The following POU6F2 variants were observed in gnomAD, a reference collection of about 807,000 sequenced individuals.
POU6F2 encodes the protein POU domain, class 6, transcription factor 2.
In POU6F2, 31 loss-of-function variants were observed where a neutral mutation model predicts 71.3. The ratio of observed to expected loss-of-function variants is 0.43; its 90% CI spans 0.33 to 0.59. The LOEUF (loss-of-function observed/expected upper bound fraction) is 0.59, where lower values mean the gene tolerates loss of function less well. Among genes scored for constraint, POU6F2 ranks in the 20% least tolerant of loss-of-function variants. The probability of loss-of-function intolerance (pLI) is 0.04; values close to 1 mark genes in which losing one functional copy is unlikely to be tolerated. For missense variants in POU6F2, 783 were observed against 856.8 expected, an observed-to-expected ratio of 0.91 and a Z score of 1.07; for synonymous variants, 347 against 355.7, an observed-to-expected ratio of 0.98 and a Z score of 0.27.
rs116777336 is a variant in POU6F2, at chr7:39,257,994, A to G, written c.598+50374A>G. ...AATACTATTTACGTGTACATTTTTGAAACTACATTGTTTGGGCCACCACTG... is the reference window on the plus strand; with the variant it reads ...AATACTATTTACGTGTACATTTTTGGAACTACATTGTTTGGGCCACCACTG... On this transcript the variant is annotated intron_variant, in intron 4 of 9. Coordinates refer to ENST00000518318, the MANE Select transcript of POU6F2 (RefSeq NM_001370959.1). 7.2e-3 allele frequency among the ~76,000 whole-genome samples: 1,093 copies of G among 152,322 alleles called. 13 individuals carry two copies. Among genetic ancestry groups the G allele is most frequent in the African/African-American group, 0.025 (1,023 of 41,564 alleles).
intron 1 of POU6F2, among the ~76,000 whole-genome samples, chr7:39,034,172 TTG>T (rs1459566600): frequency 6.6e-6 from 1 of 152,164 alleles, no homozygotes; most frequent in Non-Finnish European, 1.5e-5. Context: ...GTTAGACCTA[TTG>T]TTTCACAGAA....
At chr7:39,125,877 T>C (rs1457725992) in intron 2 of POU6F2, among the ~76,000 whole-genome samples, 2 of 152,190 alleles carry the variant, frequency 1.3e-5, no homozygotes, top group Non-Finnish European at 1.5e-5. Context: ...TAGCAATTCA[T>C]TTGTTCTTGA....
At chr7:39,212,975 C>T (rs1046124017) in intron 4 of POU6F2, among the ~76,000 whole-genome samples, 3 of 152,246 alleles carry the variant, frequency 2.0e-5, no homozygotes, top group East Asian at 3.9e-4. Flanking sequence ...GTTAATGGAA[C>T]GGTAGAGCTG....
chr7:39,287,012 A>T (rs770940838), intron 4 of POU6F2, among the ~76,000 whole-genome samples: 1 of 151,622 alleles, frequency 6.6e-6, no homozygotes, highest in Non-Finnish European at 1.5e-5. Context: ...AACTTAAAAG[A>T]TGTCAAGCGA....
chr7:39,085,645 G>T, intron 1 of POU6F2: 1 of 501,274 alleles, frequency 2.0e-6, no homozygotes, highest in East Asian at 3.0e-5. Flanking sequence ...TAATAGGGTG[G>T]GGAGTAATGG....
intron 2 of POU6F2, 80 bp from the exon 3 acceptor site, chr7:39,204,154 TC>T: frequency 8.4e-7 from 1 of 1,186,744 alleles, no homozygotes; most frequent in East Asian, 2.5e-5. Flanking sequence ...CTCTGTCATA[TC>T]ATCTATGCCT....
At chr7:39,148,868 C>T (rs915303759) in intron 2 of POU6F2, among the ~76,000 whole-genome samples, 8 of 152,068 alleles carry the variant, frequency 5.3e-5, no homozygotes, top group African/African-American at 9.7e-5. Context: ...GTGTAGTGAT[C>T]GCGAGATGAT....
At chr7:39,122,678 T>C (rs964566924) in intron 2 of POU6F2, among the ~76,000 whole-genome samples, 1 of 151,502 alleles carries the variant, frequency 6.6e-6, no homozygotes, top group African/African-American at 2.4e-5. Context: ...AGAGTTAAAC[T>C]GGGGAGGTCA....
At chr7:39,360,432 A>G (rs763771042) in intron 5 of POU6F2, among the ~76,000 whole-genome samples, 2 of 152,232 alleles carry the variant, frequency 1.3e-5, no homozygotes, top group Non-Finnish European at 2.9e-5. Context: ...TAAACGATTT[A>G]TCTAAACTTC....
intron 2 of POU6F2, among the ~76,000 whole-genome samples, chr7:39,165,387 A>G (rs78924545): frequency 4.7e-4 from 71 of 152,332 alleles, no homozygotes; most frequent in African/African-American, 1.6e-3. Flanking sequence ...TGTCTAAGAC[A>G]GTGATGCCTT....
Position 39,260,365 on chromosome 7 carries a change from A to C in POU6F2, c.598+52745A>C, listed in dbSNP as rs529158081. On this transcript the variant is annotated intron_variant, in intron 4 of 9. Transcript: ENST00000518318. Reference sequence around the variant, plus strand: ...TCTATACACATACAACACACATACCACACACACATTCCATACCTTGCTCAC... The same window carrying C: ...TCTATACACATACAACACACATACCCCACACACATTCCATACCTTGCTCAC... Among the ~76,000 whole-genome samples the C allele has an allele frequency of 2.6e-3, 394 of 148,922 alleles. 4 individuals are homozygous for C. The highest frequency in any genetic ancestry group is 7.1e-3 in the Middle Eastern group (2 of 282).
intron 4 of POU6F2, among the ~76,000 whole-genome samples, chr7:39,249,300 C>T (rs969258481): frequency 2.6e-5 from 4 of 152,220 alleles, no homozygotes; most frequent in Admixed American, 6.5e-5. Context: ...CTCCACTTAA[C>T]AGATGCTATT....
intron 4 of POU6F2, among the ~76,000 whole-genome samples, chr7:39,298,018 T>C (rs1048434490): frequency 5.3e-5 from 8 of 152,008 alleles, no homozygotes; most frequent in African/African-American, 1.9e-4. Flanking sequence ...GTGGATTAAA[T>C]ACTTAAATCC....
chr7:39,304,373 C>G (rs1562783322), intron 4 of POU6F2, among the ~76,000 whole-genome samples: 1 of 152,146 alleles, frequency 6.6e-6, no homozygotes, highest in East Asian at 1.9e-4. Flanking sequence ...TTTGGTGTGT[C>G]TCTTGGACGT....
chr7:39,072,415 A>C (rs1269181114), intron 1 of POU6F2, among the ~76,000 whole-genome samples: 1 of 152,174 alleles, frequency 6.6e-6, no homozygotes, highest in Non-Finnish European at 1.5e-5. Context: ...TTGTCTAAGC[A>C]AATTAATGTT....
intron 1 of POU6F2, among the ~76,000 whole-genome samples, chr7:39,002,876 A>T (rs1374537420): frequency 6.6e-6 from 1 of 152,242 alleles, no homozygotes; most frequent in Admixed American, 6.5e-5. Context: ...TCTGCATAGA[A>T]ATATGAAGGT....
At chr7:39,168,226 C>T (rs770100813) in intron 2 of POU6F2, among the ~76,000 whole-genome samples, 18 of 152,188 alleles carry the variant, frequency 1.2e-4, no homozygotes, top group Admixed American at 3.3e-4. Context: ...TGACAAAATG[C>T]GCTTTGTATT....
intron 2 of POU6F2, among the ~76,000 whole-genome samples, chr7:39,198,639 T>A (rs1002138316): frequency 1.3e-5 from 2 of 152,240 alleles, no homozygotes; most frequent in African/African-American, 4.8e-5. Context: ...TAATGAATGT[T>A]TGATTTCCAA....
chr7:38,986,333 A>C (rs1240251742), intron 1 of POU6F2, among the ~76,000 whole-genome samples: 1 of 152,122 alleles, frequency 6.6e-6, no homozygotes, highest in Non-Finnish European at 1.5e-5. Flanking sequence ...AGTACTTTGC[A>C]GCTGTTAAAC....
Sources: allele counts gnomAD v4.1 joint callset (sites outside exome capture counted in the v4.1 genomes callset), GRCh38; gene constraint gnomAD v4.1.1; transcripts MANE v1.5; gene names NCBI Gene and HGNC (gene_info 2026-07-23, HGNC 2026-07-21).